Variants in GRID2 observed in about 807,000 individuals in gnomAD.
GRID2 encodes glutamate ionotropic receptor delta type subunit 2, also known as glutamate receptor ionotropic, delta-2.
A neutral mutation model predicts 114.8 loss-of-function variants in GRID2; 33 were observed. The ratio of observed to expected loss-of-function variants is 0.29; its 90% confidence interval spans 0.22 to 0.38. GRID2 has a LOEUF of 0.38. Among genes scored for constraint, GRID2 ranks in the 10% least tolerant of loss-of-function variants. The pLI is 1.00. For synonymous variants in GRID2, 505 were observed against 449.9 expected (o/e 1.12, Z -1.55); for missense variants, 1,184 against 1,257.7 (o/e 0.94, Z 0.89).
chr4:92,966,005 T>A (rs941962259), intron 2 of GRID2, among the ~76,000 whole-genome samples: 5 of 151,904 alleles, frequency 3.3e-5, no homozygotes, highest in Non-Finnish European at 7.4e-5. Context: ...ACAGAAAGAC[T>A]TACAGGACAA....
At chr4:93,515,649 A>T (rs149455470) in intron 13 of GRID2, among the ~76,000 whole-genome samples, 4 of 152,182 alleles carry the variant, frequency 2.6e-5, no homozygotes, top group African/African-American at 9.6e-5. Context: ...TCAAATACAC[A>T]CACTGGTATT....
At chr4:92,909,736 T>C (rs1560690918) in intron 2 of GRID2, among the ~76,000 whole-genome samples, 3 of 152,206 alleles carry the variant, frequency 2.0e-5, no homozygotes, top group Middle Eastern at 3.2e-3. Context: ...ATGCCTTCTG[T>C]TATTTTAAAA....
At chr4:93,012,675 T>TAA (rs34812251) in intron 2 of GRID2, among the ~76,000 whole-genome samples, 72 of 150,506 alleles carry the variant, frequency 4.8e-4, no homozygotes, top group Non-Finnish European at 7.6e-4. Flanking sequence ...ACTATAAGGA[T>TAA]AAAAAAAAAC....
intron 9 of GRID2, among the ~76,000 whole-genome samples, chr4:93,419,915 TG>T (rs1768095966): frequency 1.3e-5 from 2 of 152,132 alleles, no homozygotes; most frequent in Non-Finnish European, 2.9e-5. Context: ...ACATATACAT[TG>T]GGACAGTATT....
Position 93,708,098 on chromosome 4 carries a change from T to G in GRID2, c.2361-61112T>G, listed in dbSNP as rs147702230. 2.0e-4 allele frequency among the ~76,000 whole-genome samples: 31 copies of G among 152,208 alleles called. No homozygotes were observed. In the East Asian group the frequency reaches 5.2e-3, roughly 26 times the overall value. ...TATTTTAATTTTTTAAGACTTGTTT[T>G]GTAGCCTAACTTATGGTCTACTGAA... On this transcript the variant is annotated intron_variant, in intron 14 of 15. Transcript: ENST00000282020.
intron 2 of GRID2, among the ~76,000 whole-genome samples, chr4:92,722,156 G>C (rs1303338858): frequency 6.6e-6 from 1 of 152,166 alleles, no homozygotes; most frequent in African/African-American, 2.4e-5. Flanking sequence ...ATCAGAGGGG[G>C]ACTGGTGGAT....
chr4:93,497,839 A>G (rs1430262619), intron 12 of GRID2, among the ~76,000 whole-genome samples: 1 of 151,888 alleles, frequency 6.6e-6, no homozygotes, highest in East Asian at 1.9e-4. Context: ...ATTATAAATT[A>G]TAGAATAATC....
At chr4:93,098,774 C>T (rs1375686353) in intron 3 of GRID2, among the ~76,000 whole-genome samples, 5 of 151,846 alleles carry the variant, frequency 3.3e-5, no homozygotes, top group Non-Finnish European at 7.4e-5. Flanking sequence ...ATGGATTCAG[C>T]TGTAGAGATT....
At chr4:93,564,077 TGG>T (rs1735176309) in intron 13 of GRID2, among the ~76,000 whole-genome samples, 4 of 151,914 alleles carry the variant, frequency 2.6e-5, no homozygotes, top group Admixed American at 6.6e-5. Flanking sequence ...TATAGAAACT[TGG>T]CCTCCTCAGT....
chr4:92,399,657 CTCTCTCTCTA>C (rs1388875032), intron 1 of GRID2, among the ~76,000 whole-genome samples: 47 of 139,352 alleles, frequency 3.4e-4, no homozygotes, highest in African/African-American at 1.3e-3. Flanking sequence ...CTCTCTCTCT[CTCTCTCTCTA>C]TATATATATA....
intron 8 of GRID2, among the ~76,000 whole-genome samples, chr4:93,293,618 C>T (rs976255271): frequency 6.6e-6 from 1 of 151,636 alleles, no homozygotes; most frequent in Admixed American, 6.6e-5. Flanking sequence ...AAAAAAAATG[C>T]CTACAAAGTA....
At chr4:92,466,246 C>T (rs1217999773) in intron 1 of GRID2, among the ~76,000 whole-genome samples, 3 of 151,814 alleles carry the variant, frequency 2.0e-5, no homozygotes, top group Non-Finnish European at 4.4e-5. Context: ...AATATACACT[C>T]ACTAGCTATT....
chr4:92,506,313 A>G (rs996860839), intron 1 of GRID2, among the ~76,000 whole-genome samples: 3 of 152,004 alleles, frequency 2.0e-5, no homozygotes, highest in Non-Finnish European at 2.9e-5. Flanking sequence ...GAGGAGAACA[A>G]CAATAGCTTT....
At chr4:93,072,784 T>A (rs1351199647) in intron 2 of GRID2, among the ~76,000 whole-genome samples, 2 of 152,192 alleles carry the variant, frequency 1.3e-5, no homozygotes, top group African/African-American at 4.8e-5. Flanking sequence ...GATACTAGTC[T>A]ATCATTTACC....
intron 1 of GRID2, among the ~76,000 whole-genome samples, chr4:92,584,645 A>G (rs1270166556): frequency 6.6e-6 from 1 of 152,046 alleles, no homozygotes; most frequent in Admixed American, 6.6e-5. Context: ...ATGGCTTAAA[A>G]TAAATGGATT....
At chr4:93,291,952 C>G (rs1255033741) in intron 8 of GRID2, among the ~76,000 whole-genome samples, 1 of 151,938 alleles carries the variant, frequency 6.6e-6, no homozygotes, top group Non-Finnish European at 1.5e-5. Context: ...TGGCATTTTT[C>G]AAGAATACAA....
chr4:93,595,398 A>G (rs1738975036), intron 13 of GRID2, among the ~76,000 whole-genome samples: 1 of 152,216 alleles, frequency 6.6e-6, no homozygotes, highest in Non-Finnish European at 1.5e-5. Context: ...TTAGGAGCCA[A>G]ACCCAGCCCT....
intron 8 of GRID2, among the ~76,000 whole-genome samples, chr4:93,367,439 G>A (rs964181551): frequency 6.6e-6 from 1 of 151,906 alleles, no homozygotes; most frequent in Non-Finnish European, 1.5e-5. Flanking sequence ...TTTTTTAAAT[G>A]TAATTAATTT....
intron 1 of GRID2, among the ~76,000 whole-genome samples, chr4:92,412,023 T>C (rs577770838): frequency 2.0e-5 from 3 of 152,070 alleles, no homozygotes; most frequent in African/African-American, 7.2e-5. Flanking sequence ...TCCTTCATAT[T>C]TTCAGATCCT....
Sources: allele counts gnomAD v4.1 joint callset (sites outside exome capture counted in the v4.1 genomes callset), GRCh38; gene constraint gnomAD v4.1.1; transcripts MANE v1.5; gene names NCBI Gene and HGNC (gene_info 2026-07-23, HGNC 2026-07-21).